Variants in TMC7 observed in about 807,000 individuals in gnomAD.
The protein encoded by TMC7 is transmembrane channel like 7, also known as transmembrane channel-like protein 7.
In TMC7, 54 loss-of-function variants were observed where a neutral mutation model predicts 82.9. The ratio of observed to expected loss-of-function variants is 0.65; its 90% CI spans 0.52 to 0.82. The LOEUF (loss-of-function observed/expected upper bound fraction) is 0.82. TMC7 is among the 40% of genes least tolerant of loss of function. The pLI is 0.00. For missense variants in TMC7, 820 were observed against 901.2 expected (o/e 0.91, Z 1.15); for synonymous variants, 350 against 337.9 (o/e 1.04, Z -0.39).
rs369657549 is a variant in TMC7, at chr16:19,030,421, A to G, written c.857+52A>G. On this transcript the variant is annotated intron_variant, in intron 6 of 15. Transcript: ENST00000304381. ...GAATTACCCCTGATGGCTGGAGGCT[A>G]TTGGAGATATGGGAGCTCTGGAAGC... 3.5e-5 allele frequency: 54 copies of G among 1,562,502 alleles called. No individual in the cohort carries two copies. The African/African-American group carries it at 6.3e-4, about 18-fold the overall frequency.
intron 3 of TMC7, among the ~76,000 whole-genome samples, chr16:19,017,671 T>G (rs1397341362): frequency 1.4e-5 from 2 of 139,770 alleles, no homozygotes; most frequent in African/African-American, 5.7e-5. Context: ...AAAACAGTTT[T>G]TTTTTTTTTT....
intron 1 of TMC7, among the ~76,000 whole-genome samples, chr16:18,986,310 G>T (rs894981189): frequency 1.9e-4 from 29 of 150,560 alleles, no homozygotes; most frequent in Non-Finnish European, 3.7e-4. Flanking sequence ...CAGGAGAATC[G>T]CTTGAACCCG....
chr16:19,057,232 A>C (rs1961817292), intron 14 of TMC7, among the ~76,000 whole-genome samples: 1 of 152,214 alleles, frequency 6.6e-6, no homozygotes, highest in Admixed American at 6.5e-5. Context: ...ACTTAGCCCA[A>C]TGCCTGGCTT....
Position 19,023,111 on chromosome 16 carries a change from A to G in TMC7, c.629-2A>G. On this transcript the variant is annotated splice_acceptor_variant, in intron 4 of 15. Coordinates refer to ENST00000304381, the MANE Select transcript of TMC7 (RefSeq NM_024847.4). LOFTEE classifies it high-confidence loss of function. ...TGACATTCTGGTTTTTGTTTCTTAC[A>G]GATAAACAATGTACAGTCTATCCAG... 1.3e-6 allele frequency: 2 copies of G among 1,587,230 alleles called. No individual in the cohort carries two copies. The highest frequency in any genetic ancestry group is 4.5e-5 in the East Asian group (2 of 44,524).
intron 1 of TMC7, chr16:18,984,687 TGG>T (rs777677635): frequency 6.8e-5 from 13 of 190,878 alleles, no homozygotes; most frequent in Non-Finnish European, 1.1e-4. Flanking sequence ...GCACAGTGCC[TGG>T]CATTGTGGCT....
chr16:19,018,223 G>A (rs889083397), intron 3 of TMC7, among the ~76,000 whole-genome samples: 10 of 152,208 alleles, frequency 6.6e-5, no homozygotes, highest in African/African-American at 2.4e-4. Context: ...AAGAGTTCCT[G>A]TGGCCCTGAA....
chr16:19,047,396 A>G (rs1055722083), intron 12 of TMC7, 147 bp downstream of exon 12: 2 of 612,572 alleles, frequency 3.3e-6, no homozygotes, highest in Non-Finnish European at 2.6e-6. Context: ...CTAGAAAAAT[A>G]TTGCTTTTTT....
Position 19,030,329 on chromosome 16 carries a change from A to G in TMC7, c.817A>G (p.Ile273Val), listed in dbSNP as rs375390148. 36 of 1,613,474 alleles carry G rather than the reference A, an allele frequency of 2.2e-5. No homozygotes were observed. The highest frequency in any genetic ancestry group is 1.3e-4 in the African/African-American group (10 of 74,914). Reference protein sequence around the residue: ...DLPLAYLLSTIASLALSLLWI... With the variant: ...DLPLAYLLSTVASLALSLLWI... ...GCCCCTGGCGTATTTGTTAAGCACA[A>G]TCGCCTCCCTGGCCCTGAGCCTTCT... is the stretch of plus-strand genomic sequence containing the variant. The change falls in exon 6 of 16, where the codon ATC becomes GTC. Residue 273 changes from isoleucine (I) to valine (V), a missense_variant. Coordinates refer to ENST00000304381, the MANE Select transcript of TMC7 (RefSeq NM_024847.4).
At chr16:18,991,241 T>C (rs1893961011) in intron 1 of TMC7, among the ~76,000 whole-genome samples, 1 of 152,128 alleles carries the variant, frequency 6.6e-6, no homozygotes, top group Admixed American at 6.6e-5. Flanking sequence ...TATGGTTTTG[T>C]ATGAATTGAG....
intron 1 of TMC7, among the ~76,000 whole-genome samples, chr16:19,005,932 CCATGTGT>C (rs2039232352): frequency 6.6e-6 from 1 of 152,138 alleles, no homozygotes. Context: ...AGCCACGTGT[CCATGTGT>C]CATCTACAGT....
intron 1 of TMC7, among the ~76,000 whole-genome samples, chr16:18,996,804 C>T (rs1232457211): frequency 6.6e-6 from 1 of 152,140 alleles, no homozygotes; most frequent in Non-Finnish European, 1.5e-5. Context: ...GGGTGAATGA[C>T]CAAGGCAGGC....
At chr16:19,039,518 TAA>T (rs1011486005) in intron 8 of TMC7, among the ~76,000 whole-genome samples, 1 of 152,148 alleles carries the variant, frequency 6.6e-6, no homozygotes, top group Non-Finnish European at 1.5e-5. Flanking sequence ...TGGGTTACAC[TAA>T]AAACTTCCAC....
intron 1 of TMC7, chr16:18,984,402 T>C (rs1057042058): frequency 8.0e-7 from 1 of 1,256,294 alleles, no homozygotes; most frequent in Non-Finnish European, 1.0e-6. Flanking sequence ...CTTCCAGCTG[T>C]TGACCGAGAC....
chr16:19,062,112 C>A lies in TMC7; in HGVS notation c.*269C>A, dbSNP rs79796133. Reference sequence around the variant, plus strand: ...ACCAAAAACCAACAAGCCATTCAAGCTTTTACAAGAATGAAAGAGCGGAGA... The same window carrying A: ...ACCAAAAACCAACAAGCCATTCAAGATTTTACAAGAATGAAAGAGCGGAGA... On this transcript the variant is annotated 3_prime_UTR_variant, in exon 16 of 16. Coordinates refer to ENST00000304381, the MANE Select transcript of TMC7 (RefSeq NM_024847.4). 4.0e-3 allele frequency: 1,536 copies of A among 385,516 alleles called. 29 individuals are homozygous for A. Among genetic ancestry groups the A allele is most frequent in the African/African-American group, 0.029 (1,432 of 48,748 alleles). The allele number at this position is 385,516 out of a possible 1,614,324, so 23.9% of individuals were successfully genotyped here. A position where few individuals can be genotyped will look rare whatever the true frequency, so the allele number is the denominator to read the frequency against.
intron 1 of TMC7, among the ~76,000 whole-genome samples, chr16:18,998,697 T>C (rs2039089384): frequency 6.7e-6 from 1 of 149,830 alleles, no homozygotes; most frequent in African/African-American, 2.5e-5. Flanking sequence ...GAGCTTGCAG[T>C]GAGCTGAAAT....
chr16:19,015,045 C>A (rs893378095), intron 2 of TMC7, among the ~76,000 whole-genome samples: 4 of 151,866 alleles, frequency 2.6e-5, no homozygotes, highest in East Asian at 1.9e-4. Flanking sequence ...CCCACTGCAA[C>A]CTCCGCCTTC....
Position 19,023,084 on chromosome 16 carries a change from A to C in TMC7, c.629-29A>C, listed in dbSNP as rs117741115. On this transcript the variant is annotated intron_variant, in intron 4 of 15. Transcript: ENST00000304381. ...GGTTATAGAGACTAAAACTGTTTCC[A>C]CTGACATTCTGGTTTTTGTTTCTTA... 4,835 of 1,454,786 alleles carry C rather than the reference A, an allele frequency of 3.3e-3. 26 individuals carry two copies. The highest frequency in any genetic ancestry group is 0.015 in the South Asian group (1,297 of 84,364). The allele number at this position is 1,454,786 out of a possible 1,614,324, so 90.1% of individuals were successfully genotyped here. A position where few individuals can be genotyped will look rare whatever the true frequency, so the allele number is the denominator to read the frequency against.
intron 1 of TMC7, among the ~76,000 whole-genome samples, chr16:18,994,984 G>T (rs891933727): frequency 1.1e-5 from 1 of 87,500 alleles, no homozygotes; most frequent in African/African-American, 4.0e-5. Flanking sequence ...TGTGGATTAA[G>T]GTGGGGAGAT....
chr16:19,024,344 C>T (rs1393511809), intron 5 of TMC7, among the ~76,000 whole-genome samples: 1 of 151,906 alleles, frequency 6.6e-6, no homozygotes, highest in Non-Finnish European at 1.5e-5. Flanking sequence ...TCACATGAGC[C>T]CAGAAGGTTG....
Sources: allele counts gnomAD v4.1 joint callset (sites outside exome capture counted in the v4.1 genomes callset), GRCh38; gene constraint gnomAD v4.1.1; transcripts MANE v1.5; gene names NCBI Gene and HGNC (gene_info 2026-07-23, HGNC 2026-07-21).